GRM7: variants seen among roughly 807,000 people sequenced by gnomAD.
The protein encoded by GRM7 is glutamate metabotropic receptor 7.
GRM7 carries 35 observed loss-of-function variants against 84.5 expected under a neutral mutation model. That is an observed-to-expected ratio of 0.41 (90% CI 0.32 to 0.55). The LOEUF (loss-of-function observed/expected upper bound fraction) is 0.55, where lower values mean the gene tolerates loss of function less well. GRM7 is among the 20% of genes least tolerant of loss of function. GRM7 has a pLI of 0.19. For missense variants in GRM7, 1,003 were observed against 1,194.6 expected, an observed-to-expected ratio of 0.84 and a Z score of 2.36; for synonymous variants, 487 against 455.1, an observed-to-expected ratio of 1.07 and a Z score of -0.89.
intron 4 of GRM7, chr3:7,403,193 T>A: frequency 2.2e-6 from 1 of 444,718 alleles, no homozygotes; most frequent in South Asian, 1.6e-5. Flanking sequence ...TAGGTGCCAT[T>A]TGCTGAATTG....
chr3:7,573,596 G>A (rs1179602013), intron 7 of GRM7, among the ~76,000 whole-genome samples: 1 of 152,148 alleles, frequency 6.6e-6, no homozygotes, highest in Non-Finnish European at 1.5e-5. Flanking sequence ...TGATTATAAG[G>A]TCTGCACATT....
chr3:6,902,980 A>G (rs533006399), intron 1 of GRM7, among the ~76,000 whole-genome samples: 1 of 152,176 alleles, frequency 6.6e-6, no homozygotes, highest in African/African-American at 2.4e-5. Flanking sequence ...TAATGATTCT[A>G]AAACAATTAA....
rs764484767 is a variant in GRM7, at chr3:7,655,417, TATAAAAC to T, written c.2452-24631_2452-24625del. On this transcript the variant is annotated intron_variant, in intron 8 of 9. Coordinates refer to ENST00000357716, the MANE Select transcript of GRM7 (RefSeq NM_000844.4). The stretch of plus-strand genomic sequence containing the variant: ...TAGGATGGCTATGGAGGATTAGAGT[TATAAAAC>T]CCATCCCAGAAATGCAAATTAAAAC... Among the ~76,000 whole-genome samples the T allele has an allele frequency of 4.6e-4, 70 of 152,290 alleles. 1 individual carries two copies. Among genetic ancestry groups the T allele is most frequent in the South Asian group, 1.9e-3 (9 of 4,824 alleles).
intron 8 of GRM7, among the ~76,000 whole-genome samples, chr3:7,656,433 T>A (rs112025117): frequency 4.8e-4 from 72 of 151,574 alleles, no homozygotes; most frequent in African/African-American, 1.6e-3. Flanking sequence ...GAGGTGGAGA[T>A]TGCAGTGAGC....
chr3:7,623,872 G>A (rs1185082093), intron 8 of GRM7, among the ~76,000 whole-genome samples: 1 of 152,116 alleles, frequency 6.6e-6, no homozygotes, highest in Non-Finnish European at 1.5e-5. Context: ...AGAAAAGAAG[G>A]GGAAACCTCA....
At chr3:7,346,451 C>T (rs1692899095) in intron 4 of GRM7, among the ~76,000 whole-genome samples, 1 of 152,022 alleles carries the variant, frequency 6.6e-6, no homozygotes, top group South Asian at 2.1e-4. Context: ...TGAGGAAAAC[C>T]CAGTGAATTT....
chr3:7,180,336 A>C (rs972285213), intron 2 of GRM7, among the ~76,000 whole-genome samples: 2 of 152,130 alleles, frequency 1.3e-5, no homozygotes, highest in Non-Finnish European at 2.9e-5. Flanking sequence ...ATCACTGTGC[A>C]TTGCATTCTT....
At chr3:7,229,709 C>T in intron 2 of GRM7, among the ~76,000 whole-genome samples, 1 of 91,122 alleles carries the variant, frequency 1.1e-5, no homozygotes. Context: ...CCCAACCCCG[C>T]TCTCCATAGA....
At chr3:7,184,823 G>A (rs1305656139) in intron 2 of GRM7, among the ~76,000 whole-genome samples, 2 of 151,934 alleles carry the variant, frequency 1.3e-5, no homozygotes, top group African/African-American at 2.4e-5. Context: ...TTTCACTATT[G>A]TTGATATATT....
intron 2 of GRM7, among the ~76,000 whole-genome samples, chr3:7,204,793 T>C (rs1404178663): frequency 6.6e-6 from 1 of 152,200 alleles, no homozygotes; most frequent in Non-Finnish European, 1.5e-5. Flanking sequence ...TGTAGAGCAA[T>C]TTTTTGCCTC....
intron 4 of GRM7, among the ~76,000 whole-genome samples, chr3:7,383,862 T>A (rs1354789480): frequency 1.3e-5 from 2 of 152,208 alleles, no homozygotes; most frequent in Admixed American, 1.3e-4. Context: ...TACGTAGAAC[T>A]ATAATTTTCC....
intron 1 of GRM7, among the ~76,000 whole-genome samples, chr3:7,023,931 G>A (rs1695875982): frequency 6.6e-6 from 1 of 152,188 alleles, no homozygotes; most frequent in Non-Finnish European, 1.5e-5. Flanking sequence ...GGCAGAGAAT[G>A]CGTGATGCTA....
At chr3:7,683,006 G>C (rs148293331) in intron 9 of GRM7, among the ~76,000 whole-genome samples, 1 of 152,178 alleles carries the variant, frequency 6.6e-6, no homozygotes, top group African/African-American at 2.4e-5. Flanking sequence ...TTGGACTAAA[G>C]CCCAGGTCTG....
chr3:7,547,232 A>C (rs138054874), intron 7 of GRM7, among the ~76,000 whole-genome samples: 6,628 of 100,398 alleles, frequency 0.066, 574 homozygotes, highest in African/African-American at 0.22. Flanking sequence ...TTTGAGACGG[A>C]GTCTCACTCT....
chr3:6,904,501 A>G (rs181589128), intron 1 of GRM7, among the ~76,000 whole-genome samples: 53 of 152,230 alleles, frequency 3.5e-4, no homozygotes, highest in Middle Eastern at 3.4e-3. Flanking sequence ...GTGCAATATA[A>G]GTTGTATCGT....
chr3:7,429,382 G>A (rs746827269), intron 5 of GRM7, among the ~76,000 whole-genome samples: 5 of 152,090 alleles, frequency 3.3e-5, no homozygotes, highest in Admixed American at 6.6e-5. Flanking sequence ...TTGCTAAGCC[G>A]TTTTCTGAAA....
chr3:7,152,791 C>G (rs1447702062), intron 2 of GRM7, among the ~76,000 whole-genome samples: 3 of 152,194 alleles, frequency 2.0e-5, no homozygotes, highest in African/African-American at 7.2e-5. Flanking sequence ...AATAGAGGAT[C>G]ACTAATTGTG....
At chr3:7,564,754 T>A (rs1311420218) in intron 7 of GRM7, among the ~76,000 whole-genome samples, 1 of 152,190 alleles carries the variant, frequency 6.6e-6, no homozygotes, top group Non-Finnish European at 1.5e-5. Flanking sequence ...CCTAATAAAC[T>A]AAGGGAACTG....
At position 7,558,618 on chromosome 3, in the gene GRM7, T is replaced by C. The variant is rs190545735; in HGVS notation, c.1516-19804T>C. 5.9e-5 allele frequency among the ~76,000 whole-genome samples: 9 copies of C among 152,274 alleles called. 1 individual carries two copies. Among genetic ancestry groups the C allele is most frequent in the Admixed American group, 5.9e-4 (9 of 15,288 alleles). On this transcript the variant is annotated intron_variant, in intron 7 of 9. Coordinates refer to ENST00000357716, the MANE Select transcript of GRM7 (RefSeq NM_000844.4). ...AATTTCATTTTTATCCCAATATATT[T>C]AATAAGACAATTAGGGGTCCACATA... is the stretch of plus-strand genomic sequence containing the variant.
Sources: gnomAD v4.1 joint callset for allele counts (sites outside exome capture counted in the v4.1 genomes callset) on GRCh38, gnomAD v4.1.1 for gene constraint, MANE v1.5 for transcripts, NCBI Gene and HGNC (gene_info 2026-07-23, HGNC 2026-07-21) for gene names.